The following QARS1 variants were observed in gnomAD, a reference collection of about 807,000 sequenced individuals.
The protein encoded by QARS1 is glutaminyl-tRNA synthetase 1, also known as glutamine--tRNA ligase.
Under a neutral mutation model 106.9 loss-of-function variants are expected in QARS1, and 79 were observed. The observed-to-expected ratio is 0.74, with a 90% confidence interval of 0.62 to 0.89. QARS1 has a LOEUF of 0.89. Ranked by LOEUF, QARS1 falls within the 40% of genes least tolerant of loss-of-function variation. QARS1 has a pLI of 0.00. For missense variants in QARS1, 966 were observed against 997.2 expected (o/e 0.97, Z 0.42); for synonymous variants, 395 against 367.7 (o/e 1.07, Z -0.85).
Position 49,104,596 on chromosome 3 carries a change from C to T in QARS1, c.117+21G>A, listed in dbSNP as rs887404574. The T allele has an allele frequency of 6.3e-6, 10 of 1,597,270 alleles. No individual in the cohort carries two copies. The African/African-American group carries it at 1.1e-4, about 17-fold the overall frequency. ...TTGCAGCATGGTCTGCAAACCAGGC[C>T]GGGGGCAGAGGGGCTCGCACCTGAG... On this transcript the variant is annotated intron_variant, in intron 1 of 23. Transcript: ENST00000306125.
chr3:49,102,096 A>T (rs2042479100), intron 7 of QARS1, 109 bp downstream of exon 7: 5 of 1,442,842 alleles, frequency 3.5e-6, no homozygotes, highest in Admixed American at 1.9e-5. Flanking sequence ...TTGAGACAGA[A>T]GTCAGGGTAC....
Position 49,100,685 on chromosome 3 carries a change from T to A in QARS1, c.877-11A>T, listed in dbSNP as rs767323071. 29 of 1,556,728 alleles carry A rather than the reference T, an allele frequency of 1.9e-5. 1 individual carries two copies. The South Asian group carries it at 3.2e-4, about 17-fold the overall frequency. Reference sequence around the variant, plus strand: ...GATGCCATTGTTGGCCTAGGAAAGTTGCACCATCTGTGAACTCCCACATCA... The same window carrying A: ...GATGCCATTGTTGGCCTAGGAAAGTAGCACCATCTGTGAACTCCCACATCA... On this transcript the variant is annotated splice_polypyrimidine_tract_variant and intron_variant, in intron 10 of 23. Coordinates refer to ENST00000306125, the MANE Select transcript of QARS1 (RefSeq NM_005051.3).
chr3:49,101,593 A>G (rs1301542938), intron 9 of QARS1, 27 bp downstream of exon 9: 2 of 1,612,104 alleles, frequency 1.2e-6, no homozygotes, highest in Admixed American at 1.7e-5. Flanking sequence ...TGATGGCACA[A>G]GCTCACATGG....
intron 15 of QARS1, 25 bp from the exon 16 acceptor site, chr3:49,099,672 A>T: frequency 6.2e-7 from 1 of 1,612,498 alleles, no homozygotes; most frequent in Non-Finnish European, 8.5e-7. Context: ...TAGGGTTAGC[A>T]CTGGCCAGCT....
Position 49,100,150 on chromosome 3 carries a change from C to T in QARS1, c.1164+40G>A, listed in dbSNP as rs758529358. ...CACAGGAGCATCTCATTCTCAGCAC[C>T]TTGGCCCACCCAAACCCAGATGCTC... On this transcript the variant is annotated intron_variant, in intron 13 of 23. Coordinates refer to ENST00000306125, the MANE Select transcript of QARS1 (RefSeq NM_005051.3). The T allele has an allele frequency of 4.3e-6, 7 of 1,614,236 alleles. 1 individual carries two copies. In the South Asian group the frequency reaches 7.7e-5, roughly 18 times the overall value.
At chr3:49,102,649 C>T in intron 5 of QARS1, 177 bp from the exon 6 acceptor site, 1 of 683,790 alleles carries the variant, frequency 1.5e-6, no homozygotes, top group Non-Finnish European at 2.6e-6. Context: ...TGCTCTTGCT[C>T]TTGTTGCCCA....
In QARS1 at chr3:49,103,416, G is replaced by A. The variant is rs767186986; in HGVS notation, c.452-7C>T. 8.7e-6 allele frequency: 14 copies of A among 1,613,946 alleles called. No homozygotes were observed. The East Asian group carries it at 2.9e-4, about 33-fold the overall frequency. ...AGCACAGCCCGAGCCTCTCCTAGAA[G>A]CATAGGCACAAGGAGCTGCAGAAAG... On this transcript the variant is annotated splice_polypyrimidine_tract_variant and splice_region_variant and intron_variant, in intron 4 of 23. Transcript: ENST00000306125.
Position 49,102,454 on chromosome 3 carries a change from G to C in QARS1, c.535C>G (p.Pro179Ala). The C allele has an allele frequency of 6.2e-7, 1 of 1,614,070 alleles. No individual in the cohort carries two copies. The highest frequency in any genetic ancestry group is 8.5e-7 in the Non-Finnish European group (1 of 1,180,020). Residue 179 changes from proline to alanine, a missense_variant, in exon 6 of 24, where the codon CCC becomes GCC. Transcript: ENST00000306125. ...TTCTCCAGATCAGCCTCCAACTTGGGGCCCAGAAGGTGGAGGACCTGAGCA... is the reference window on the plus strand; with the variant it reads ...TTCTCCAGATCAGCCTCCAACTTGGCGCCCAGAAGGTGGAGGACCTGAGCA... ...VDMQVLHLLG[P>A]KLEADLEKKF...
intron 23 of QARS1, among the ~76,000 whole-genome samples, chr3:49,096,793 C>A (rs1294423886): frequency 4.5e-5 from 1 of 22,404 alleles, no homozygotes; most frequent in East Asian, 3.5e-3. Context: ...TGTGAGACTC[C>A]GTCTCAAAAA....
chr3:49,100,449 G>A lies in QARS1; in HGVS notation c.986C>T (p.Pro329Leu). 1 of 1,614,204 alleles carries A rather than the reference G, an allele frequency of 6.2e-7. No individual in the cohort carries two copies. The highest frequency in any genetic ancestry group is 2.2e-5 in the East Asian group (1 of 44,892). Residue 329 changes from proline to leucine, a missense_variant, in exon 12 of 24, where the codon CCT becomes CTT. By Grantham distance (98) the Pro-to-Leu change is moderately conservative (BLOSUM62 -3). Transcript: ENST00000306125. ...CDMVAWLGYT[P>L]YKVTYASDYF... is the part of the protein sequence containing the mutation. ...GTCAGACGCATATGTGACTTTGTAA[G>A]GTGTGTAGCCTGGGGCAAAATGAAA... is the stretch of plus-strand genomic sequence containing the variant.
At chr3:49,102,607 ATCTCT>A (rs1453285664) in intron 5 of QARS1, 135 bp from the exon 6 acceptor site, 1 of 856,646 alleles carries the variant, frequency 1.2e-6, no homozygotes. Flanking sequence ...AGCCCATCCC[ATCTCT>A]TCTCATGTGG....
rs752320395 is a variant in QARS1, at chr3:49,098,450, C to A, written c.1987G>T (p.Val663Leu). The A allele has an allele frequency of 1.2e-6, 2 of 1,614,192 alleles. No homozygotes were observed. The highest frequency in any genetic ancestry group is 1.7e-6 in the Non-Finnish European group (2 of 1,180,032). Residue 663 changes from valine (V) to leucine (L), a missense_variant, in exon 21 of 24, where the codon GTG (valine) becomes TTG (leucine). Coordinates refer to ENST00000306125, the MANE Select transcript of QARS1 (RefSeq NM_005051.3). ...CCAGCATCTGCCCGTCTGCAGGTCA[C>A]CTCCAGACTCTCTACACAACCACTG... is the stretch of plus-strand genomic sequence containing the variant. ...GPSGCVESLE[V>L]TCRRADAGEK...
Position 49,098,054 on chromosome 3 carries a change from C to A in QARS1, c.2215G>T (p.Asp739Tyr), listed in dbSNP as rs749055007. Residue 739 changes from aspartate to tyrosine, a missense_variant, in exon 23 of 24, where the codon GAC becomes TAC. Physicochemically the swap from Asp to Tyr is radical, Grantham distance 160. Transcript: ENST00000306125. ...DCSVALAKPF[D>Y]KFQFERLGYF... Reference sequence around the variant, plus strand: ...CCAAGACGCTCAAACTGGAACTTGTCGAAGGGTTTTGCCAGGGCCACAGAG... The same window carrying A: ...CCAAGACGCTCAAACTGGAACTTGTAGAAGGGTTTTGCCAGGGCCACAGAG... 1 of 1,614,122 alleles carries A rather than the reference C, an allele frequency of 6.2e-7. No individual in the cohort carries two copies. The highest frequency in any genetic ancestry group is 8.5e-7 in the Non-Finnish European group (1 of 1,180,024).
chr3:49,097,876 A>C (rs2042411489), intron 23 of QARS1, 116 bp downstream of exon 23: 2 of 1,417,900 alleles, frequency 1.4e-6, no homozygotes, highest in East Asian at 4.6e-5. Flanking sequence ...GAATATGAAT[A>C]CCAACTCCCT....
intron 4 of QARS1, 56 bp from the exon 5 acceptor site, chr3:49,103,465 C>T: frequency 1.2e-6 from 2 of 1,606,542 alleles, no homozygotes; most frequent in Non-Finnish European, 1.7e-6. Flanking sequence ...CTCCCCCCAC[C>T]TCTTTCCCAA....
In QARS1 at chr3:49,099,256, G is replaced by C; in HGVS notation, c.1615-3C>G. 14 of 1,614,142 alleles carry C rather than the reference G, an allele frequency of 8.7e-6. No individual in the cohort carries two copies. The highest frequency in any genetic ancestry group is 1.2e-5 in the Non-Finnish European group (14 of 1,180,012). ...GTTTGTGCCACAGTCACTCCCACCTGGCAGGAAAGTTCAGCATCAGTCACA... is the reference window on the plus strand; with the variant it reads ...GTTTGTGCCACAGTCACTCCCACCTCGCAGGAAAGTTCAGCATCAGTCACA... On this transcript the variant is annotated splice_region_variant and splice_polypyrimidine_tract_variant and intron_variant, in intron 17 of 23. Transcript: ENST00000306125.
intron 19 of QARS1, 40 bp downstream of exon 19, chr3:49,098,845 G>A (rs374877589): frequency 5.8e-6 from 9 of 1,557,814 alleles, no homozygotes; most frequent in Middle Eastern, 1.7e-4. Flanking sequence ...CCCAGTACCA[G>A]ACTCAGCAGC....
Position 49,100,225 on chromosome 3 carries a change from C to G in QARS1, c.1129G>C (p.Asp377His), listed in dbSNP as rs2107102851. Residue 377 changes from aspartate (D) to histidine (H), a missense_variant, in exon 13 of 24, where the codon GAC (aspartate) becomes CAC (histidine). Physicochemically the swap from Asp to His is moderately conservative, Grantham distance 81. Transcript: ENST00000306125. Reference protein sequence around the residue: ...GHNTLPSPWRDRPMEESLLLF... With the variant: ...GHNTLPSPWRHRPMEESLLLF... ...AGCAGTGACTCCTCCATGGGACGGT[C>G]TCTCCAGGGTGAAGGCAGAGTATTA... 6.2e-7 allele frequency: 1 copy of G among 1,614,250 alleles called. No individual in the cohort carries two copies.
chr3:49,096,075 A>C lies in QARS1; in HGVS notation c.2282T>G (p.Val761Gly). Residue 761 changes from valine (V) to glycine (G), a missense_variant, in exon 24 of 24, where the codon GTC (valine) becomes GGC (glycine). Transcript: ENST00000306125. The stretch of plus-strand genomic sequence containing the variant: ...CTTCAGTGTGACAGTTCGGTTAAAG[A>C]CAAGCTGGAGGGCAGAGGGAAAAGG... ...VDPDSHQGKL[V>G]FNRTVTLKED... is the part of the protein sequence containing the mutation. 23 of 1,613,814 alleles carry C rather than the reference A, an allele frequency of 1.4e-5. No individual in the cohort carries two copies. Among genetic ancestry groups the C allele is most frequent in the Non-Finnish European group, 1.9e-5 (22 of 1,179,896 alleles).
Sources: allele counts gnomAD v4.1 joint callset (sites outside exome capture counted in the v4.1 genomes callset), GRCh38; gene constraint gnomAD v4.1.1; transcripts MANE v1.5; gene names NCBI Gene and HGNC (gene_info 2026-07-23, HGNC 2026-07-21).